The following ASRGL1 variants were observed in gnomAD, a reference collection of about 807,000 sequenced individuals.
ASRGL1 encodes asparaginase and isoaspartyl peptidase 1, also known as isoaspartyl peptidase/L-asparaginase.
In ASRGL1, 16 loss-of-function variants were observed where a neutral mutation model predicts 22.4. The ratio of observed to expected loss-of-function variants is 0.71; its 90% CI spans 0.48 to 1.08. The LOEUF is 1.08. Ranked by LOEUF, ASRGL1 falls within the 50% of genes least tolerant of loss-of-function variation. ASRGL1 has a pLI of 0.00. For synonymous variants in ASRGL1, 165 were observed against 159.3 expected, an observed-to-expected ratio of 1.04 and a Z score of -0.27; for missense variants, 412 against 410.1, an observed-to-expected ratio of 1.00 and a Z score of -0.04.
rs1419397805 is a variant in ASRGL1 at position 62,391,582 on chromosome 11, G to A, written c.671G>A (p.Ser224Asn). ...GTCTCAACCACAGGGCATGGGGAAA[G>A]CATCCTGAAGGTGAACCTGGCTAGA... ...GAVSTTGHGE[S>N]ILKVNLARLT... The change falls in exon 6 of 7, where the codon AGC (serine) becomes AAC (asparagine). Residue 224 changes from serine to asparagine, a missense_variant. Physicochemically the swap from Ser to Asn is conservative, Grantham distance 46. Transcript: ENST00000415229. The A allele has an allele frequency of 6.2e-7, 1 of 1,612,694 alleles. No homozygotes were observed. Among genetic ancestry groups the A allele is most frequent in the Non-Finnish European group, 8.5e-7 (1 of 1,179,448 alleles).
At chr11:62,339,733 T>C (rs1026384406) in intron 2 of ASRGL1, among the ~76,000 whole-genome samples, 2 of 152,188 alleles carry the variant, frequency 1.3e-5, no homozygotes, top group Non-Finnish European at 2.9e-5. Flanking sequence ...ATAATTATTA[T>C]CCTCATTTCT....
At chr11:62,395,759 C>CTTTTTTTTTTTTTT (rs564952668), downstream of ASRGL1, among the ~76,000 whole-genome samples, 1 of 71,942 alleles carries the variant, frequency 1.4e-5, no homozygotes, top group Non-Finnish European at 2.6e-5. Context: ...GTAGCTGTTT[C>CTTTTTTTTTTTTTT]TTTTTTTTTT....
At chr11:62,399,995 C>T in the ASRGL1 span, among the ~76,000 whole-genome samples, 1 of 152,198 alleles carries the variant, frequency 6.6e-6, no homozygotes, top group African/African-American at 2.4e-5. Flanking sequence ...CCACCCACAC[C>T]AGTCCATCAC....
chr11:62,378,365 T>C (rs755159999), intron 4 of ASRGL1, among the ~76,000 whole-genome samples: 40 of 152,206 alleles, frequency 2.6e-4, no homozygotes, highest in Non-Finnish European at 5.3e-4. Flanking sequence ...TAGTGAATGA[T>C]ATAACAGTCT....
intron 4 of ASRGL1, among the ~76,000 whole-genome samples, chr11:62,383,627 A>AAAAAAAAAAAAAAAAAG (rs1281531653): frequency 7.3e-6 from 1 of 137,010 alleles, no homozygotes; most frequent in Non-Finnish European, 1.6e-5. Context: ...AAAAAAAAAA[A>AAAAAAAAAAAAAAAAAG]AGAACATCAT....
chr11:62,358,520 C>T lies in ASRGL1; in HGVS notation c.491+1376C>T, dbSNP rs560136340. On this transcript the variant is annotated intron_variant, in intron 4 of 6. Transcript: ENST00000415229. ...CATTTTGAAAGATGTCACCACATTGCTTTCCAGAAATTTATTAACACCTCT... is the reference window on the plus strand; with the variant it reads ...CATTTTGAAAGATGTCACCACATTGTTTTCCAGAAATTTATTAACACCTCT... 5.3e-5 allele frequency among the ~76,000 whole-genome samples: 8 copies of T among 152,294 alleles called. No individual in the cohort carries two copies. The South Asian group carries it at 1.7e-3, about 32-fold the overall frequency.
chr11:62,337,907 G>C lies in ASRGL1; in HGVS notation c.-71G>C. 4 of 1,506,662 alleles carry C rather than the reference G, an allele frequency of 2.7e-6. No individual in the cohort carries two copies. Among genetic ancestry groups the C allele is most frequent in the Non-Finnish European group, 3.6e-6 (4 of 1,119,278 alleles). The allele number at this position is 1,506,662 out of a possible 1,614,324, so 93.3% of individuals were successfully genotyped here. On this transcript the variant is annotated 5_prime_UTR_variant, in exon 2 of 7. Transcript: ENST00000415229. ...CCCCACAGGGTCTCCCGAGGACCTT[G>C]TACCCGCGCGGCTTCCTTGGGCTGG...
chr11:62,353,641 C>G (rs2031335496), intron 2 of ASRGL1, among the ~76,000 whole-genome samples: 1 of 152,042 alleles, frequency 6.6e-6, no homozygotes, highest in South Asian at 2.1e-4. Context: ...CCATGCCTGG[C>G]CAATGGCTGC....
chr11:62,355,013 G>A (rs1003233789), intron 2 of ASRGL1, among the ~76,000 whole-genome samples: 1 of 152,142 alleles, frequency 6.6e-6, no homozygotes, highest in South Asian at 2.1e-4. Context: ...CGCCTCCCGG[G>A]TTCAAGTGAT....
chr11:62,383,290 G>A (rs1195785970), intron 4 of ASRGL1: 1 of 152,104 alleles, frequency 6.6e-6, no homozygotes, highest in African/African-American at 2.4e-5. Flanking sequence ...TTTGTCAATA[G>A]AAGTCACGTT....
At chr11:62,347,877 A>G (rs1407268152) in intron 2 of ASRGL1, among the ~76,000 whole-genome samples, 3 of 152,210 alleles carry the variant, frequency 2.0e-5, no homozygotes, top group African/African-American at 2.4e-5. Flanking sequence ...TAGTGAGCCA[A>G]GATCACCCCA....
At chr11:62,397,858 A>T (rs370462343), downstream of ASRGL1, among the ~76,000 whole-genome samples, 13 of 152,258 alleles carry the variant, frequency 8.5e-5, no homozygotes, top group African/African-American at 3.1e-4. Flanking sequence ...TGTTCACCTT[A>T]CCTAATATTT....
chr11:62,393,838 T>C (rs1947393895), downstream of ASRGL1, among the ~76,000 whole-genome samples: 2 of 151,704 alleles, frequency 1.3e-5, no homozygotes, highest in South Asian at 4.1e-4. Context: ...GATCAAGGTG[T>C]CGGCCACGTT....
downstream of ASRGL1, among the ~76,000 whole-genome samples, chr11:62,396,259 T>C (rs1247817092): frequency 1.3e-5 from 2 of 151,164 alleles, no homozygotes; most frequent in East Asian, 1.9e-4. Flanking sequence ...ACAGTGGAGG[T>C]TGGGGGAGGT....
At chr11:62,350,530 T>G (rs1186081645) in intron 2 of ASRGL1, among the ~76,000 whole-genome samples, 3 of 152,236 alleles carry the variant, frequency 2.0e-5, no homozygotes, top group African/African-American at 4.8e-5. Context: ...GCACAGTGGC[T>G]CACGCCTGTA....
intron 4 of ASRGL1, among the ~76,000 whole-genome samples, chr11:62,375,441 T>TACATATATATATATATATATATATAC (rs1368168031): frequency 7.1e-5 from 2 of 28,338 alleles, no homozygotes; most frequent in African/African-American, 4.8e-4. Context: ...TATATATATA[T>TACATATATATATATATATATATATAC]ATATATATAT....
intron 4 of ASRGL1, among the ~76,000 whole-genome samples, chr11:62,374,412 G>C (rs2134664926): frequency 6.6e-6 from 1 of 152,256 alleles, no homozygotes; most frequent in South Asian, 2.1e-4. Flanking sequence ...GTTTCCAGAG[G>C]GTCTGGACTG....
At chr11:62,395,665 G>A (rs944635988), downstream of ASRGL1, among the ~76,000 whole-genome samples, 14 of 149,792 alleles carry the variant, frequency 9.3e-5, no homozygotes, top group African/African-American at 3.2e-4. Context: ...AGGGACACTC[G>A]TTCTTCCCGC....
At chr11:62,340,810 A>G (rs983105497) in intron 2 of ASRGL1, among the ~76,000 whole-genome samples, 5 of 152,240 alleles carry the variant, frequency 3.3e-5, no homozygotes, top group African/African-American at 1.2e-4. Context: ...ATCCTCTGCT[A>G]TAATCCTCTA....
Sources: gnomAD v4.1 joint callset for allele counts (sites outside exome capture counted in the v4.1 genomes callset) on GRCh38, gnomAD v4.1.1 for gene constraint, MANE v1.5 for transcripts, NCBI Gene and HGNC (gene_info 2026-07-23, HGNC 2026-07-21) for gene names.